CWH43: variants seen among roughly 807,000 people sequenced by gnomAD.
CWH43 encodes the protein PGAP2-interacting protein.
Under a neutral mutation model 85.7 loss-of-function variants are expected in CWH43, and 91 were observed. That is an observed-to-expected ratio of 1.06 (90% CI 0.90 to 1.26). The LOEUF is 1.26. Ranked by LOEUF, CWH43 falls within the 50% of genes most tolerant of loss-of-function variation. The pLI, the probability that CWH43 is intolerant of heterozygous loss-of-function variation, is 0.00. For missense variants in CWH43, 869 were observed against 839.2 expected (o/e 1.04, Z -0.44); for synonymous variants, 323 against 293.6 (o/e 1.10, Z -1.02).
intron 14 of CWH43, 120 bp from the exon 15 acceptor site, chr4:49,050,574 A>T: frequency 1.5e-6 from 1 of 659,036 alleles, no homozygotes; most frequent in Admixed American, 3.0e-5. Flanking sequence ...TCCAGTTGTG[A>T]TATACAGAGT....
At chr4:48,986,568 G>T in intron 1 of CWH43, 96 bp downstream of exon 1, 1 of 1,532,360 alleles carries the variant, frequency 6.5e-7, no homozygotes, top group Non-Finnish European at 8.8e-7. Flanking sequence ...AGTTCAGGTA[G>T]GAGGAAAAGG....
chr4:49,024,892 C>G, intron 9 of CWH43, among the ~76,000 whole-genome samples: 1 of 151,968 alleles, frequency 6.6e-6, no homozygotes, highest in Non-Finnish European at 1.5e-5. Context: ...ATTTGGTTGT[C>G]TAGATCTCTA....
intron 9 of CWH43, among the ~76,000 whole-genome samples, chr4:49,021,682 C>T (rs962780471): frequency 1.3e-5 from 2 of 152,158 alleles, no homozygotes; most frequent in African/African-American, 4.8e-5. Context: ...CATCCATGAG[C>T]ATGGATATGT....
intron 14 of CWH43, among the ~76,000 whole-genome samples, chr4:49,047,933 C>T (rs1784677867): frequency 6.6e-6 from 1 of 152,168 alleles, no homozygotes; most frequent in African/African-American, 2.4e-5. Context: ...AGGAGCATCA[C>T]ATGCCCAAAT....
intron 13 of CWH43, among the ~76,000 whole-genome samples, chr4:49,039,306 G>GAGATATATATATATATATATATATATAT (rs1553916914): frequency 1.3e-3 from 6 of 4,602 alleles, no homozygotes; most frequent in African/African-American, 2.6e-3. Flanking sequence ...TCAGGAGACT[G>GAGATATATATATATATATATATATATAT]ATATATATAT....
chr4:49,007,847 A>G (rs1577666877), intron 8 of CWH43, among the ~76,000 whole-genome samples: 1 of 152,304 alleles, frequency 6.6e-6, no homozygotes, highest in South Asian at 2.1e-4. Context: ...TATATGTGCC[A>G]CATTTTCTTA....
chr4:49,013,017 C>G (rs1402514664), intron 8 of CWH43, among the ~76,000 whole-genome samples: 1 of 152,234 alleles, frequency 6.6e-6, no homozygotes, highest in African/African-American at 2.4e-5. Context: ...AACCACTGCT[C>G]TCTTCAGAGC....
At chr4:49,019,581 T>C (rs1783673553) in intron 9 of CWH43, among the ~76,000 whole-genome samples, 1 of 152,040 alleles carries the variant, frequency 6.6e-6, no homozygotes, top group South Asian at 2.1e-4. Flanking sequence ...GTCAATAGTT[T>C]TTTTTTTAAT....
intron 9 of CWH43, among the ~76,000 whole-genome samples, chr4:49,024,050 G>A (rs1236490664): frequency 3.9e-5 from 6 of 151,948 alleles, no homozygotes; most frequent in South Asian, 2.1e-4. Context: ...ATATATTTAG[G>A]GTTGTGATAT....
intron 9 of CWH43, among the ~76,000 whole-genome samples, chr4:49,017,803 C>T (rs879224386): frequency 3.3e-5 from 5 of 151,716 alleles, no homozygotes; most frequent in Admixed American, 2.6e-4. Context: ...TGTGGTGGAG[C>T]AGGAACAAGA....
intron 8 of CWH43, among the ~76,000 whole-genome samples, chr4:49,014,784 G>C (rs1361996360): frequency 6.6e-6 from 1 of 151,948 alleles, no homozygotes; most frequent in Non-Finnish European, 1.5e-5. Context: ...TTTTCCATAT[G>C]CCTCATGCCC....
chr4:49,009,741 T>C (rs762364362), intron 8 of CWH43, among the ~76,000 whole-genome samples: 2 of 152,094 alleles, frequency 1.3e-5, no homozygotes, highest in Non-Finnish European at 2.9e-5. Flanking sequence ...AATCACGTGG[T>C]TTTTGTCTTT....
chr4:49,005,363 C>T (rs1038248727), intron 7 of CWH43, among the ~76,000 whole-genome samples: 2 of 152,120 alleles, frequency 1.3e-5, no homozygotes, highest in African/African-American at 4.8e-5. Context: ...TTCCCACCCT[C>T]TCACTCTTCT....
chr4:48,994,580 T>G (rs778167519), intron 4 of CWH43, 39 bp from the exon 5 acceptor site: 2 of 1,557,894 alleles, frequency 1.3e-6, no homozygotes, highest in Admixed American at 1.8e-5. Flanking sequence ...AATTTCCATA[T>G]AACTAAACTT....
intron 8 of CWH43, among the ~76,000 whole-genome samples, chr4:49,009,422 C>G (rs771647381): frequency 1.6e-4 from 25 of 152,166 alleles, no homozygotes; most frequent in Non-Finnish European, 3.2e-4. Flanking sequence ...CATCTGCAAA[C>G]AGGGACAATT....
intron 5 of CWH43, among the ~76,000 whole-genome samples, chr4:48,997,495 A>C (rs1279803538): frequency 6.6e-6 from 1 of 152,174 alleles, no homozygotes; most frequent in African/African-American, 2.4e-5. Context: ...TGGGCACTCA[A>C]AAATATTTGT....
chr4:49,028,530 TGAAATAA>T, intron 9 of CWH43, 92 bp from the exon 10 acceptor site: 1 of 693,518 alleles, frequency 1.4e-6, no homozygotes, highest in Admixed American at 2.8e-5. Context: ...ATTCCTTTGC[TGAAATAA>T]GAAATTTGGT....
At chr4:48,997,578 C>T (rs983744948) in intron 5 of CWH43, among the ~76,000 whole-genome samples, 1 of 152,082 alleles carries the variant, frequency 6.6e-6, no homozygotes, top group Non-Finnish European at 1.5e-5. Flanking sequence ...TTCTGTAGCC[C>T]CAGGGTCATT....
intron 15 of CWH43, among the ~76,000 whole-genome samples, chr4:49,056,984 T>C (rs970503808): frequency 6.6e-6 from 1 of 152,236 alleles, no homozygotes; most frequent in Non-Finnish European, 1.5e-5. Context: ...TAATTTATAA[T>C]TTAACTATTG....
Sources: allele counts gnomAD v4.1 joint callset (sites outside exome capture counted in the v4.1 genomes callset), GRCh38; gene constraint gnomAD v4.1.1; transcripts MANE v1.5; gene names NCBI Gene and HGNC (gene_info 2026-07-23, HGNC 2026-07-21).